Variants in USP13 observed in about 807,000 individuals in gnomAD.
The protein encoded by USP13 is ubiquitin specific peptidase 13, also known as ubiquitin carboxyl-terminal hydrolase 13.
USP13 carries 68 observed loss-of-function variants against 107.8 expected under a neutral mutation model. The observed-to-expected ratio is 0.63, with a 90% CI of 0.52 to 0.77. The LOEUF is 0.77. Ranked by LOEUF, USP13 falls within the 30% of genes least tolerant of loss-of-function variation. The pLI, the probability that USP13 is intolerant of heterozygous loss-of-function variation, is 0.00. For missense variants in USP13, 945 were observed against 1,093.3 expected (o/e 0.86, Z 1.91); for synonymous variants, 377 against 389.5 (o/e 0.97, Z 0.38).
At chr3:179,777,443 C>CTTTTTTTTTTTTTTTTTTTTT (rs11317182) in intron 19 of USP13, among the ~76,000 whole-genome samples, 6 of 113,696 alleles carry the variant, frequency 5.3e-5, no homozygotes, top group Non-Finnish European at 3.5e-5. Flanking sequence ...CTCTCTCTCT[C>CTTTTTTTTTTTTTTTTTTTTT]TTTTTTTTTT....
chr3:179,667,093 G>C (rs1389210175), intron 1 of USP13, among the ~76,000 whole-genome samples: 1 of 152,182 alleles, frequency 6.6e-6, no homozygotes, highest in Admixed American at 6.5e-5. Flanking sequence ...TTAAGCTAGT[G>C]GATCTGTAGC....
At chr3:179,659,181 G>A (rs1213875716) in intron 1 of USP13, among the ~76,000 whole-genome samples, 2 of 152,192 alleles carry the variant, frequency 1.3e-5, no homozygotes, top group African/African-American at 2.4e-5. Flanking sequence ...GGGCCATCAG[G>A]TGGGAGTGGC....
chr3:179,670,438 G>A (rs530068214), intron 1 of USP13, among the ~76,000 whole-genome samples: 2 of 152,108 alleles, frequency 1.3e-5, no homozygotes, highest in East Asian at 1.9e-4. Flanking sequence ...TCACTCTCAC[G>A]GCTTCTTTTC....
intron 10 of USP13, among the ~76,000 whole-genome samples, chr3:179,733,220 G>T (rs1280970493): frequency 2.0e-5 from 3 of 152,154 alleles, no homozygotes; most frequent in Non-Finnish European, 4.4e-5. Flanking sequence ...TGGTCTTGAA[G>T]AAAGAATCTT....
chr3:179,735,125 T>A (rs1377193342), intron 10 of USP13, among the ~76,000 whole-genome samples: 1 of 152,210 alleles, frequency 6.6e-6, no homozygotes, highest in Admixed American at 6.5e-5. Context: ...GCTATTTTGG[T>A]GACTTCCTGG....
intron 2 of USP13, 117 bp from the exon 3 acceptor site, chr3:179,690,124 A>G (rs1372382470): frequency 3.2e-6 from 3 of 937,572 alleles, no homozygotes; most frequent in Non-Finnish European, 4.8e-6. Flanking sequence ...GCTAATCTAG[A>G]TGGAATATTT....
At chr3:179,734,984 C>T (rs761868703) in intron 10 of USP13, among the ~76,000 whole-genome samples, 14 of 152,156 alleles carry the variant, frequency 9.2e-5, no homozygotes, top group Non-Finnish European at 1.9e-4. Context: ...AACAGAAAGT[C>T]CTGTGTAAGC....
intron 2 of USP13, among the ~76,000 whole-genome samples, chr3:179,684,584 A>G (rs926721472): frequency 2.6e-5 from 4 of 151,992 alleles, no homozygotes; most frequent in Admixed American, 1.3e-4. Context: ...CAGCCTCCCA[A>G]AGTGCTGGGA....
At chr3:179,690,922 C>T (rs986736098) in intron 3 of USP13, among the ~76,000 whole-genome samples, 33 of 152,122 alleles carry the variant, frequency 2.2e-4, no homozygotes, top group African/African-American at 7.5e-4. Context: ...ATTCCCAGCA[C>T]GTTGGGAGGC....
intron 5 of USP13, 148 bp from the exon 6 acceptor site, chr3:179,708,625 T>C: frequency 9.5e-7 from 1 of 1,049,116 alleles, no homozygotes; most frequent in Non-Finnish European, 1.4e-6. Context: ...CAACAATGTC[T>C]TGAGGGGAGA....
rs1713312326 is a variant in USP13 at position 179,721,436 on chromosome 3, T to C, written c.935T>C (p.Leu312Pro). ...ENGLQDNDIK[L>P]RVSEWEVIQE... Reference sequence around the variant, plus strand: ...GGGCTCCAGGACAATGACATCAAGCTGAGGGTCAGTGAGTGGGAAGTGATC... The same window carrying C: ...GGGCTCCAGGACAATGACATCAAGCCGAGGGTCAGTGAGTGGGAAGTGATC... The change falls in exon 8 of 21, where the codon CTG becomes CCG. Residue 312 changes from leucine (L) to proline (P), a missense_variant. Leu to Pro is a moderately conservative substitution (Grantham distance 98, BLOSUM62 -3). Coordinates refer to ENST00000263966, the MANE Select transcript of USP13 (RefSeq NM_003940.3). The surrounding 1 kb of genome is among the most constrained non-coding windows in gnomAD (Gnocchi z 4.3). The C allele has an allele frequency of 6.2e-7, 1 of 1,614,000 alleles. No individual in the cohort carries two copies. Among genetic ancestry groups the C allele is most frequent in the African/African-American group, 1.3e-5 (1 of 74,918 alleles).
chr3:179,736,355 G>A (rs1161728026), intron 10 of USP13, among the ~76,000 whole-genome samples: 1 of 152,210 alleles, frequency 6.6e-6, no homozygotes, highest in Non-Finnish European at 1.5e-5. Flanking sequence ...TAGGTGTGAA[G>A]TGAGCATATT....
At chr3:179,696,307 A>G (rs1712322520) in intron 3 of USP13, among the ~76,000 whole-genome samples, 1 of 151,540 alleles carries the variant, frequency 6.6e-6, no homozygotes, top group Non-Finnish European at 1.5e-5. Context: ...TCTAACTACT[A>G]AATAAACAGA....
intron 13 of USP13, among the ~76,000 whole-genome samples, chr3:179,748,304 C>T (rs1714480896): frequency 6.6e-6 from 1 of 152,194 alleles, no homozygotes; most frequent in Non-Finnish European, 1.5e-5. Flanking sequence ...TTTTGTAGAG[C>T]CTTGCTTTTT....
At chr3:179,664,804 A>G (rs1224609439) in intron 1 of USP13, among the ~76,000 whole-genome samples, 1 of 152,118 alleles carries the variant, frequency 6.6e-6, no homozygotes, top group Non-Finnish European at 1.5e-5. Flanking sequence ...TTAAAAAGGA[A>G]AGATGGTGCG....
At chr3:179,766,043 G>A (rs780995258) in intron 19 of USP13, among the ~76,000 whole-genome samples, 195 bp downstream of exon 19, 2 of 151,072 alleles carry the variant, frequency 1.3e-5, no homozygotes, top group African/African-American at 2.4e-5. Context: ...GCTGTGGCGC[G>A]ATCTCGGCTC....
At chr3:179,768,123 C>T (rs1715234922) in intron 19 of USP13, among the ~76,000 whole-genome samples, 1 of 152,220 alleles carries the variant, frequency 6.6e-6, no homozygotes, top group South Asian at 2.1e-4. Flanking sequence ...TATTACACAT[C>T]CATCAGTTCA....
intron 5 of USP13, among the ~76,000 whole-genome samples, chr3:179,708,081 G>C (rs1013002170): frequency 2.6e-5 from 4 of 152,170 alleles, no homozygotes; most frequent in Non-Finnish European, 5.9e-5. Context: ...TAATGCTTTA[G>C]AACTTTAGTC....
At chr3:179,693,203 C>T (rs1194171063) in intron 3 of USP13, among the ~76,000 whole-genome samples, 1 of 152,018 alleles carries the variant, frequency 6.6e-6, no homozygotes, top group African/African-American at 2.4e-5. Context: ...GGCTGGAGTG[C>T]AGTGCCACAA....
Sources: gnomAD v4.1 joint callset for allele counts (sites outside exome capture counted in the v4.1 genomes callset) on GRCh38, gnomAD v4.1.1 for gene constraint, Gnocchi (gnomAD v3.1) non-coding constraint, MANE v1.5 for transcripts, NCBI Gene and HGNC (gene_info 2026-07-23, HGNC 2026-07-21) for gene names.